The following SLX4IP variants were observed in gnomAD, a reference collection of about 807,000 sequenced individuals.
SLX4IP encodes the protein protein SLX4IP.
Under a neutral mutation model 32.9 loss-of-function variants are expected in SLX4IP, and 34 were observed. The observed-to-expected ratio is 1.03, with a 90% CI of 0.79 to 1.38. The LOEUF is 1.38. Among genes scored for constraint, SLX4IP ranks in the 40% most tolerant of loss-of-function variants. The pLI, the probability that SLX4IP is intolerant of heterozygous loss-of-function variation, is 0.00. For synonymous variants in SLX4IP, 172 were observed against 171.7 expected, an observed-to-expected ratio of 1.00 and a Z score of -0.01; for missense variants, 444 against 479.0, an observed-to-expected ratio of 0.93 and a Z score of 0.68.
intron 2 of SLX4IP, among the ~76,000 whole-genome samples, chr20:10,484,945 A>G (rs1226554347): frequency 1.3e-5 from 2 of 152,090 alleles, no homozygotes; most frequent in African/African-American, 4.8e-5. Context: ...GGGAGAGTGC[A>G]CTCAGAAATG....
intron 6 of SLX4IP, among the ~76,000 whole-genome samples, chr20:10,621,098 G>A (rs1208557842): frequency 2.0e-5 from 3 of 152,146 alleles, no homozygotes; most frequent in Non-Finnish European, 2.9e-5. Flanking sequence ...TGTTTATGAC[G>A]CATGTTAATG....
intron 4 of SLX4IP, among the ~76,000 whole-genome samples, chr20:10,582,623 T>TA (rs2066598718): frequency 6.6e-6 from 1 of 152,200 alleles, no homozygotes; most frequent in African/African-American, 2.4e-5. Flanking sequence ...GCCACTAGTT[T>TA]AAAAATCTCA....
chr20:10,599,338 A>G (rs1451637232), intron 5 of SLX4IP, among the ~76,000 whole-genome samples: 1 of 152,222 alleles, frequency 6.6e-6, no homozygotes, highest in Non-Finnish European at 1.5e-5. Context: ...GAACTTTAAA[A>G]AATTAACATA....
intron 4 of SLX4IP, among the ~76,000 whole-genome samples, chr20:10,566,441 A>G (rs1054306068): frequency 2.6e-5 from 4 of 151,996 alleles, no homozygotes; most frequent in African/African-American, 4.8e-5. Flanking sequence ...AGCCCGATTC[A>G]TTGTTATCAT....
At chr20:10,536,801 C>T (rs958083912) in intron 2 of SLX4IP, among the ~76,000 whole-genome samples, 1 of 152,226 alleles carries the variant, frequency 6.6e-6, no homozygotes, top group Admixed American at 6.5e-5. Context: ...AATGTATACT[C>T]AGACCATGGA....
At chr20:10,490,418 A>T (rs1007299945) in intron 2 of SLX4IP, among the ~76,000 whole-genome samples, 1 of 152,122 alleles carries the variant, frequency 6.6e-6, no homozygotes, top group African/African-American at 2.4e-5. Flanking sequence ...TTCCTGTAAC[A>T]TCTTTCTATA....
At chr20:10,520,066 A>G (rs1275014532) in intron 2 of SLX4IP, among the ~76,000 whole-genome samples, 1 of 140,000 alleles carries the variant, frequency 7.1e-6, no homozygotes, top group Non-Finnish European at 1.6e-5. Context: ...TCTTTTTTTT[A>G]TTTTTGAGAT....
At chr20:10,445,736 C>T (rs1338517770) in intron 1 of SLX4IP, among the ~76,000 whole-genome samples, 17 of 151,376 alleles carry the variant, frequency 1.1e-4, no homozygotes, top group African/African-American at 3.9e-4. Context: ...GCGATTCTCC[C>T]GCCTCGGCCT....
chr20:10,471,860 C>G (rs2065427395), intron 2 of SLX4IP, among the ~76,000 whole-genome samples: 1 of 152,210 alleles, frequency 6.6e-6, no homozygotes, highest in African/African-American at 2.4e-5. Flanking sequence ...GATACCCTCT[C>G]TCTTCACAAG....
chr20:10,479,218 C>G (rs184614254), intron 2 of SLX4IP, among the ~76,000 whole-genome samples: 1 of 152,082 alleles, frequency 6.6e-6, no homozygotes, highest in South Asian at 2.1e-4. Context: ...AAGTCATCTG[C>G]GGATGCAAAA....
At chr20:10,566,567 C>T (rs2066397578) in intron 4 of SLX4IP, among the ~76,000 whole-genome samples, 2 of 152,152 alleles carry the variant, frequency 1.3e-5, no homozygotes, top group Non-Finnish European at 2.9e-5. Context: ...AACCATGTAT[C>T]TGGCCAAGGT....
At chr20:10,535,523 T>C (rs1162350104) in intron 2 of SLX4IP, among the ~76,000 whole-genome samples, 3 of 152,134 alleles carry the variant, frequency 2.0e-5, no homozygotes, top group Non-Finnish European at 4.4e-5. Context: ...GGTTTCGCCG[T>C]GTTGGCCAGG....
chr20:10,598,819 A>C, intron 5 of SLX4IP, 67 bp downstream of exon 5: 2 of 1,509,882 alleles, frequency 1.3e-6, no homozygotes, highest in Non-Finnish European at 1.8e-6. Context: ...TAGAGAAGGG[A>C]TGAAAATTAA....
At chr20:10,601,909 C>A in intron 6 of SLX4IP, 90 bp downstream of exon 6, 1 of 1,169,012 alleles carries the variant, frequency 8.6e-7, no homozygotes, top group Non-Finnish European at 1.2e-6. Flanking sequence ...CTGCTGTTGT[C>A]ATTCAGCTGA....
At chr20:10,438,984 C>A (rs1330398865) in intron 1 of SLX4IP, among the ~76,000 whole-genome samples, 1 of 151,742 alleles carries the variant, frequency 6.6e-6, no homozygotes, top group Non-Finnish European at 1.5e-5. Flanking sequence ...GTATTATAGG[C>A]ATGAGCCACA....
chr20:10,436,405 G>T (rs917282951), intron 1 of SLX4IP, among the ~76,000 whole-genome samples: 8 of 152,008 alleles, frequency 5.3e-5, no homozygotes, highest in African/African-American at 1.9e-4. Context: ...TGCCCAGGTT[G>T]GAGTGCAGTG....
chr20:10,556,180 T>C (rs768025996), intron 2 of SLX4IP, 51 bp from the exon 3 acceptor site: 2 of 1,528,156 alleles, frequency 1.3e-6, no homozygotes, highest in African/African-American at 2.8e-5. Context: ...CTCTCATTGT[T>C]TGCTGGGCAT....
At chr20:10,572,262 C>G (rs2066475323) in intron 4 of SLX4IP, among the ~76,000 whole-genome samples, 1 of 152,366 alleles carries the variant, frequency 6.6e-6, no homozygotes, top group Middle Eastern at 3.4e-3. Context: ...ACTCCACTGT[C>G]TGACACCGGG....
rs1239726655 is a variant in SLX4IP, at chr20:10,510,034, G to GAAT, written c.28-46197_28-46196insAAT. 3.3e-5 allele frequency among the ~76,000 whole-genome samples: 5 copies of GAAT among 152,264 alleles called. No homozygotes were observed. The East Asian group carries it at 9.6e-4, about 29-fold the overall frequency. Reference sequence around the variant, plus strand: ...AATATTATGCAGCTATTAACATTCTGTGTACAGAATTTTAAATAACAAGGT... The same window carrying GAAT: ...AATATTATGCAGCTATTAACATTCTGAATTGTACAGAATTTTAAATAACAAGGT... On this transcript the variant is annotated intron_variant, in intron 2 of 7. Transcript: ENST00000334534.
Sources: gnomAD v4.1 joint callset for allele counts (sites outside exome capture counted in the v4.1 genomes callset) on GRCh38, gnomAD v4.1.1 for gene constraint, MANE v1.5 for transcripts, NCBI Gene and HGNC (gene_info 2026-07-23, HGNC 2026-07-21) for gene names.